FBXL20: variants seen among roughly 807,000 people sequenced by gnomAD.
FBXL20 encodes F-box and leucine rich repeat protein 20.
FBXL20 carries 11 observed loss-of-function variants against 64.0 expected under a neutral mutation model. That is an observed-to-expected ratio of 0.17 (90% CI 0.11 to 0.28). The LOEUF (loss-of-function observed/expected upper bound fraction) is 0.28. FBXL20 is among the 10% of genes least tolerant of loss of function. The probability of loss-of-function intolerance (pLI) is 1.00; values close to 1 mark genes in which losing one functional copy is unlikely to be tolerated. For missense variants in FBXL20, 303 were observed against 526.2 expected, an observed-to-expected ratio of 0.58 and a Z score of 4.15; for synonymous variants, 184 against 189.0, an observed-to-expected ratio of 0.97 and a Z score of 0.22.
At chr17:39,291,681 T>C (rs1048777169) in intron 6 of FBXL20, among the ~76,000 whole-genome samples, 1 of 151,922 alleles carries the variant, frequency 6.6e-6, no homozygotes, top group Non-Finnish European at 1.5e-5. Context: ...GTGATCCACC[T>C]GCGTCGGCCT....
At chr17:39,335,146 C>T (rs996352660) in intron 2 of FBXL20, among the ~76,000 whole-genome samples, 12 of 152,102 alleles carry the variant, frequency 7.9e-5, no homozygotes, top group African/African-American at 2.7e-4. Context: ...AATCTCAAGT[C>T]GTAAAACATG....
At chr17:39,394,420 C>G (rs939069455) in intron 1 of FBXL20, among the ~76,000 whole-genome samples, 11 of 151,624 alleles carry the variant, frequency 7.3e-5, no homozygotes, top group Non-Finnish European at 1.3e-4. Flanking sequence ...CTACAGGCAC[C>G]TGCCACCACG....
At position 39,401,319 on chromosome 17, in the gene FBXL20, G is replaced by A. The variant is rs867034310; in HGVS notation, c.42+42C>T. The A allele has an allele frequency of 1.9e-6, 3 of 1,612,136 alleles. No homozygotes were observed. The Middle Eastern group carries it at 5.0e-4, about 268-fold the overall frequency. ...CGGACGTTTTGGGATTAGAGCGCGC[G>A]ACCCGCCCTCCTCACGCCGCCCGAG... On this transcript the variant is annotated intron_variant, in intron 1 of 14. Transcript: ENST00000264658.
At chr17:39,299,213 T>A in intron 4 of FBXL20, 129 bp from the exon 5 acceptor site, 1 of 646,166 alleles carries the variant, frequency 1.5e-6, no homozygotes, top group Non-Finnish European at 2.6e-6. Context: ...AATAGGAAAA[T>A]TGTAACTTAC....
intron 1 of FBXL20, among the ~76,000 whole-genome samples, chr17:39,391,610 C>T (rs2048134398): frequency 6.6e-6 from 1 of 152,056 alleles, no homozygotes; most frequent in African/African-American, 2.4e-5. Flanking sequence ...GGAACTGACT[C>T]CCTTCGTAAA....
At chr17:39,362,036 C>T (rs2047800413) in intron 1 of FBXL20, among the ~76,000 whole-genome samples, 2 of 151,406 alleles carry the variant, frequency 1.3e-5, no homozygotes, top group Non-Finnish European at 2.9e-5. Flanking sequence ...ACCTGTAATC[C>T]CAGCACTTTG....
chr17:39,402,016 C>A (rs924404626), upstream of FBXL20: 5 of 602,068 alleles, frequency 8.3e-6, no homozygotes, highest in Admixed American at 4.4e-5. Context: ...TGCCCCGTGT[C>A]CCCCTCTCCT....
chr17:39,393,026 T>C (rs1050683941), intron 1 of FBXL20, among the ~76,000 whole-genome samples: 3 of 147,292 alleles, frequency 2.0e-5, no homozygotes, highest in South Asian at 2.2e-4. Context: ...CGGTGGCTCA[T>C]GCCTATACTC....
intron 1 of FBXL20, among the ~76,000 whole-genome samples, chr17:39,377,493 C>T (rs1373136872): frequency 2.0e-5 from 3 of 148,526 alleles, no homozygotes; most frequent in African/African-American, 7.6e-5. Flanking sequence ...CAATTCCTGT[C>T]TTTTTTGTTG....
intron 1 of FBXL20, among the ~76,000 whole-genome samples, chr17:39,397,826 T>C (rs1043778321): frequency 3.8e-5 from 5 of 133,290 alleles, no homozygotes; most frequent in Non-Finnish European, 8.2e-5. Context: ...CTAGTCATGC[T>C]AAAAAAAAAA....
chr17:39,332,536 C>CTTTTTTTTTTTTTT, intron 2 of FBXL20, among the ~76,000 whole-genome samples: 1 of 96,964 alleles, frequency 1.0e-5, no homozygotes, highest in Non-Finnish European at 1.9e-5. Flanking sequence ...TTCTTTGTAT[C>CTTTTTTTTTTTTTT]TTTTTTTTTT....
chr17:39,338,129 G>A (rs1342308212), intron 2 of FBXL20, among the ~76,000 whole-genome samples: 2 of 152,238 alleles, frequency 1.3e-5, no homozygotes, highest in Non-Finnish European at 2.9e-5. Flanking sequence ...TGAGAAATCG[G>A]ATGGTTGCCG....
intron 11 of FBXL20, among the ~76,000 whole-genome samples, chr17:39,269,497 C>CTT (rs201367539): frequency 4.8e-5 from 6 of 124,224 alleles, no homozygotes; most frequent in African/African-American, 2.0e-4. Flanking sequence ...CCGGCCTTTC[C>CTT]TCTTTTTTTT....
chr17:39,301,129 G>C, intron 3 of FBXL20, 54 bp from the exon 4 acceptor site: 1 of 1,526,168 alleles, frequency 6.6e-7, no homozygotes. Flanking sequence ...AAGGGGAAAA[G>C]GCAGCAATAT....
intron 1 of FBXL20, among the ~76,000 whole-genome samples, chr17:39,395,112 TAAG>T (rs1370175622): frequency 2.6e-5 from 4 of 152,004 alleles, no homozygotes; most frequent in African/African-American, 7.2e-5. Flanking sequence ...ACCTAAAACA[TAAG>T]AAGATTTTAA....
At chr17:39,287,930 T>A (rs925312687) in intron 6 of FBXL20, among the ~76,000 whole-genome samples, 3 of 152,096 alleles carry the variant, frequency 2.0e-5, no homozygotes, top group Non-Finnish European at 4.4e-5. Flanking sequence ...TGGTGTGGAA[T>A]TGCATTGTGG....
At chr17:39,269,001 T>C (rs1440445573) in intron 11 of FBXL20, 130 bp from the exon 12 acceptor site, 5 of 796,992 alleles carry the variant, frequency 6.3e-6, no homozygotes, top group Non-Finnish European at 1.0e-5. Context: ...AGAGCTAGTG[T>C]CATGCTAATT....
chr17:39,282,716 C>T lies in FBXL20; in HGVS notation c.621+13G>A, dbSNP rs186839014. 3 of 1,614,136 alleles carry T rather than the reference C, an allele frequency of 1.9e-6. No homozygotes were observed. The highest frequency in any genetic ancestry group is 2.5e-6 in the Non-Finnish European group (3 of 1,180,000). On this transcript the variant is annotated intron_variant, in intron 8 of 14. Transcript: ENST00000264658. ...ATTCTTCCGAATTTCACGAGCCCTACATGGAGTATTACCTGCGTGCAGCCT... is the reference window on the plus strand; with the variant it reads ...ATTCTTCCGAATTTCACGAGCCCTATATGGAGTATTACCTGCGTGCAGCCT...
chr17:39,372,364 C>CA, intron 1 of FBXL20, among the ~76,000 whole-genome samples: 1 of 150,988 alleles, frequency 6.6e-6, no homozygotes, highest in Non-Finnish European at 1.5e-5. Context: ...ACTTAAAATA[C>CA]AGAAATTAGC....
Sources: gnomAD v4.1 joint callset for allele counts (sites outside exome capture counted in the v4.1 genomes callset) on GRCh38, gnomAD v4.1.1 for gene constraint, MANE v1.5 for transcripts, NCBI Gene and HGNC (gene_info 2026-07-23, HGNC 2026-07-21) for gene names.